Variants in NPAS3 observed in about 807,000 individuals in gnomAD.
NPAS3 encodes neuronal PAS domain-containing protein 3.
A neutral mutation model predicts 73.1 loss-of-function variants in NPAS3; 14 were observed. The observed-to-expected ratio is 0.19, with a 90% CI of 0.13 to 0.30. NPAS3 has a LOEUF of 0.30. Ranked by LOEUF, NPAS3 falls within the 10% of genes least tolerant of loss-of-function variation. The pLI, the probability that NPAS3 is intolerant of heterozygous loss-of-function variation, is 1.00. For missense variants in NPAS3, 1,096 were observed against 1,250.0 expected (o/e 0.88, Z 1.86); for synonymous variants, 620 against 541.5 (o/e 1.14, Z -2.01).
chr14:33,006,145 C>T (rs942218629), intron 1 of NPAS3, among the ~76,000 whole-genome samples: 3 of 152,138 alleles, frequency 2.0e-5, no homozygotes, highest in Non-Finnish European at 4.4e-5. Flanking sequence ...TCAGTGCTTC[C>T]CTGCTTCTCC....
chr14:33,449,323 A>C (rs1168610129), intron 4 of NPAS3, among the ~76,000 whole-genome samples: 1 of 152,186 alleles, frequency 6.6e-6, no homozygotes, highest in East Asian at 1.9e-4. Flanking sequence ...CCAGGGGCCA[A>C]ATCCAGCCCT....
At chr14:33,194,338 C>T (rs1192135399) in intron 2 of NPAS3, among the ~76,000 whole-genome samples, 1 of 152,156 alleles carries the variant, frequency 6.6e-6, no homozygotes, top group Non-Finnish European at 1.5e-5. Context: ...TAAGCTTCCA[C>T]TTTCATTTAC....
At chr14:33,168,683 T>C (rs558807981) in intron 2 of NPAS3, among the ~76,000 whole-genome samples, 1 of 152,272 alleles carries the variant, frequency 6.6e-6, no homozygotes, top group East Asian at 1.9e-4. Flanking sequence ...TTTCCTCTCC[T>C]GATTCCTTCA....
intron 4 of NPAS3, among the ~76,000 whole-genome samples, chr14:33,528,610 A>T (rs78498547): frequency 1.4e-3 from 207 of 152,150 alleles, no homozygotes; most frequent in Middle Eastern, 6.8e-3. Context: ...GCAAATATGC[A>T]TCTAACCCAA....
intron 4 of NPAS3, among the ~76,000 whole-genome samples, chr14:33,489,200 G>A (rs541320404): frequency 4.0e-4 from 61 of 152,168 alleles, no homozygotes; most frequent in African/African-American, 1.4e-3. Context: ...TTGACAGACC[G>A]AACACAAATA....
chr14:33,555,295 G>A (rs1337660003), intron 4 of NPAS3, among the ~76,000 whole-genome samples: 1 of 152,162 alleles, frequency 6.6e-6, no homozygotes, highest in Non-Finnish European at 1.5e-5. Context: ...TCTTCTTGAG[G>A]AGGGACTAGC....
intron 3 of NPAS3, among the ~76,000 whole-genome samples, chr14:33,358,642 A>G (rs564511041): frequency 6.6e-6 from 1 of 152,188 alleles, no homozygotes; most frequent in South Asian, 2.1e-4. Context: ...TTTATTGCAT[A>G]TTGTTCATTT....
chr14:33,418,475 C>A (rs192522846), intron 4 of NPAS3, among the ~76,000 whole-genome samples: 1 of 151,874 alleles, frequency 6.6e-6, no homozygotes. Flanking sequence ...AAATAAACTG[C>A]TGTTTATTTT....
downstream of NPAS3, chr14:33,802,376 T>TAAAAAAAAAAAAAAAAAAAAAAAAAA (rs71293230): frequency 1.0e-4 from 10 of 95,652 alleles, no homozygotes; most frequent in East Asian, 7.0e-4. Context: ...GCACATTAAG[T>TAAAAAAAAAAAAAAAAAAAAAAAAAA]AAAAAAAAAA....
At chr14:33,665,107 C>G (rs2059416400) in intron 5 of NPAS3, among the ~76,000 whole-genome samples, 1 of 152,216 alleles carries the variant, frequency 6.6e-6, no homozygotes, top group Non-Finnish European at 1.5e-5. Flanking sequence ...GGAACCATCC[C>G]AGATGCCCAT....
intron 3 of NPAS3, among the ~76,000 whole-genome samples, chr14:33,310,429 T>C (rs949839916): frequency 1.3e-5 from 2 of 152,192 alleles, no homozygotes; most frequent in South Asian, 4.1e-4. Context: ...GGGCAGAGAA[T>C]TGACAAAAAT....
At chr14:33,672,423 A>G (rs539488587) in intron 5 of NPAS3, among the ~76,000 whole-genome samples, 1 of 152,332 alleles carries the variant, frequency 6.6e-6, no homozygotes, top group African/African-American at 2.4e-5. Context: ...TCATTCAACA[A>G]AATGTTTGTA....
intron 6 of NPAS3, among the ~76,000 whole-genome samples, chr14:33,686,206 A>G (rs1343967214): frequency 6.6e-6 from 1 of 152,168 alleles, no homozygotes; most frequent in Admixed American, 6.5e-5. Context: ...GACTCATCCC[A>G]GCAGCACAGT....
At chr14:33,289,528 A>T (rs552569999) in intron 3 of NPAS3, among the ~76,000 whole-genome samples, 1 of 152,262 alleles carries the variant, frequency 6.6e-6, no homozygotes, top group South Asian at 2.1e-4. Flanking sequence ...TGGCTTTAGT[A>T]ATCTATCCTT....
intron 3 of NPAS3, 144 bp downstream of exon 3, chr14:33,215,570 G>A (rs2047192283): frequency 2.2e-6 from 2 of 915,448 alleles, no homozygotes; most frequent in Admixed American, 3.7e-5. Context: ...CTCTGCATGA[G>A]AAAGACACCA....
chr14:33,121,298 G>A lies in NPAS3; in HGVS notation c.140+65304G>A, dbSNP rs575459411. Among the ~76,000 whole-genome samples the A allele has an allele frequency of 7.7e-4, 117 of 152,142 alleles. 1 individual carries two copies. The highest frequency in any genetic ancestry group is 2.7e-3 in the African/African-American group (113 of 41,508). ...TCATACTTGACGAACCAGTTCCTACGTCTTTGAGATAAAACATCCATTTGT... is the reference window on the plus strand; with the variant it reads ...TCATACTTGACGAACCAGTTCCTACATCTTTGAGATAAAACATCCATTTGT... On this transcript the variant is annotated intron_variant, in intron 2 of 11. Transcript: ENST00000356141.
intron 4 of NPAS3, among the ~76,000 whole-genome samples, chr14:33,428,474 T>A (rs889329601): frequency 6.6e-6 from 1 of 152,140 alleles, no homozygotes; most frequent in Non-Finnish European, 1.5e-5. Context: ...GTTTGCTGGT[T>A]CTAAATTCAA....
intron 5 of NPAS3, among the ~76,000 whole-genome samples, chr14:33,608,976 C>T (rs1472364651): frequency 6.6e-6 from 1 of 152,180 alleles, no homozygotes; most frequent in Non-Finnish European, 1.5e-5. Context: ...CAGCATCCTA[C>T]AGGGTCTACC....
intron 4 of NPAS3, among the ~76,000 whole-genome samples, chr14:33,442,361 G>T (rs545053122): frequency 1.3e-5 from 2 of 151,820 alleles, no homozygotes; most frequent in African/African-American, 4.8e-5. Context: ...GGAGGATTGC[G>T]TGAGCCCAGG....
Sources: gnomAD v4.1 joint callset for allele counts (sites outside exome capture counted in the v4.1 genomes callset) on GRCh38, gnomAD v4.1.1 for gene constraint, MANE v1.5 for transcripts, NCBI Gene and HGNC (gene_info 2026-07-23, HGNC 2026-07-21) for gene names.